Variants in USF2 observed in about 807,000 individuals in gnomAD.
USF2 encodes the protein upstream stimulatory factor 2.
In USF2, 16 loss-of-function variants were observed where a neutral mutation model predicts 46.9. That is an observed-to-expected ratio of 0.34 (90% CI 0.23 to 0.52). The LOEUF (loss-of-function observed/expected upper bound fraction) is 0.52. Ranked by LOEUF, USF2 falls within the 20% of genes least tolerant of loss-of-function variation. The pLI is 0.96. For synonymous variants in USF2, 239 were observed against 194.1 expected, an observed-to-expected ratio of 1.23 and a Z score of -1.92; for missense variants, 411 against 474.0, an observed-to-expected ratio of 0.87 and a Z score of 1.23.
intron 4 of USF2, 38 bp from the exon 5 acceptor site, chr19:35,270,409 A>G: frequency 2.5e-6 from 4 of 1,592,286 alleles, no homozygotes; most frequent in African/African-American, 2.7e-5. Context: ...GGAGGAACAG[A>G]GAAAGCTAAG....
intron 7 of USF2, among the ~76,000 whole-genome samples, chr19:35,273,955 T>C (rs1452744359): frequency 1.3e-5 from 2 of 152,226 alleles, no homozygotes; most frequent in East Asian, 3.8e-4. Flanking sequence ...TTCCCCCTTG[T>C]AGGTGTTCCT....
intron 1 of USF2, 138 bp downstream of exon 1, chr19:35,269,301 G>A: frequency 1.7e-5 from 15 of 876,654 alleles, no homozygotes; most frequent in Non-Finnish European, 1.9e-5. Context: ...GGGGGACCTG[G>A]CGCCTCCCGC....
At chr19:35,274,503 G>A (rs2145578111) in intron 7 of USF2, among the ~76,000 whole-genome samples, 1 of 152,258 alleles carries the variant, frequency 6.6e-6, no homozygotes, top group East Asian at 1.9e-4. Context: ...CTCAGGAAGG[G>A]GTGTGTGGCT....
At chr19:35,271,443 C>G (rs1471078341) in intron 7 of USF2, among the ~76,000 whole-genome samples, 1 of 152,204 alleles carries the variant, frequency 6.6e-6, no homozygotes, top group Non-Finnish European at 1.5e-5. Flanking sequence ...GCCTGCCCCA[C>G]TTGAAAAATG....
At chr19:35,278,910 G>A in intron 8 of USF2, 36 bp from the exon 9 acceptor site, 1 of 1,574,260 alleles carries the variant, frequency 6.4e-7, no homozygotes, top group Non-Finnish European at 8.6e-7. Context: ...GGTGGGCGGT[G>A]CCTGCCCTAA....
At position 35,269,829 on chromosome 19, in the gene USF2, T is replaced by C; in HGVS notation, c.255T>C (p.Thr85=). The C allele has an allele frequency of 2.1e-6, 3 of 1,460,496 alleles. No homozygotes were observed. Among genetic ancestry groups the C allele is most frequent in the Non-Finnish European group, 2.7e-6 (3 of 1,114,128 alleles). 90.5% of individuals were successfully genotyped at this position (1,460,496 alleles called of 1,614,324 possible). Residue 85 remains threonine, a synonymous_variant, in exon 4 of 10, where the codon ACT becomes ACC. Coordinates refer to ENST00000222305, the MANE Select transcript of USF2 (RefSeq NM_003367.4). ...GQVTYRVVQV[T]DGQLDGQGDT... ...TGACATACCGCGTAGTCCAGGTGACTGATGGTCAGCTGGACGGCCAGGGCG... is the reference window on the plus strand; with the variant it reads ...TGACATACCGCGTAGTCCAGGTGACCGATGGTCAGCTGGACGGCCAGGGCG...
chr19:35,270,438 A>C lies in USF2; in HGVS notation c.430-9A>C. 6.2e-7 allele frequency: 1 copy of C among 1,610,236 alleles called. No individual in the cohort carries two copies. On this transcript the variant is annotated splice_polypyrimidine_tract_variant and intron_variant, in intron 4 of 9. Coordinates refer to ENST00000222305, the MANE Select transcript of USF2 (RefSeq NM_003367.4). ...AGCTAAGGGTAGCCTCTGCCCTCCTACTCCCCAGGCTGTGATCCAAAATCC... is the reference window on the plus strand; with the variant it reads ...AGCTAAGGGTAGCCTCTGCCCTCCTCCTCCCCAGGCTGTGATCCAAAATCC...
chr19:35,278,925 C>T (rs767918563), intron 8 of USF2, 21 bp from the exon 9 acceptor site: 257 of 1,561,092 alleles, frequency 1.6e-4, no homozygotes, highest in Non-Finnish European at 2.2e-4. Flanking sequence ...CCCTAAGGCT[C>T]CTGGTCCCCT....
chr19:35,269,215 C>T, intron 1 of USF2, 52 bp downstream of exon 1: 1 of 975,504 alleles, frequency 1.0e-6, no homozygotes, highest in Non-Finnish European at 1.2e-6. Context: ...GGCCCCGGCC[C>T]CGCGGCCTGC....
chr19:35,270,625 T>TG lies in USF2; in HGVS notation c.580+33dup, dbSNP rs2066138717. 3 of 1,606,468 alleles carry TG rather than the reference T, an allele frequency of 1.9e-6. No individual in the cohort carries two copies. In the Admixed American group the frequency reaches 5.1e-5, roughly 27 times the overall value. On this transcript the variant is annotated intron_variant, in intron 5 of 9. Transcript: ENST00000222305. ...GAGGAGTAGAAGTCAGATTGGCAGG[T>TG]GGGGGAGGCAACGGGCCCAGCAGGG... is the stretch of plus-strand genomic sequence containing the variant.
In USF2 at chr19:35,271,187, C is replaced by T. The variant is rs200156649; in HGVS notation, c.727+46C>T. The T allele has an allele frequency of 1.5e-5, 24 of 1,610,302 alleles. No individual in the cohort carries two copies. In the African/African-American group the frequency reaches 2.3e-4, roughly 15 times the overall value. ...CGGGTCCCCCTGACCACCACCCTCACAGGCTCAGCCAGCCCTGGAGTGTGG... is the reference window on the plus strand; with the variant it reads ...CGGGTCCCCCTGACCACCACCCTCATAGGCTCAGCCAGCCCTGGAGTGTGG... On this transcript the variant is annotated intron_variant, in intron 7 of 9. Transcript: ENST00000222305.
At position 35,279,182 on chromosome 19, in the gene USF2, A is replaced by G. The variant is rs1378372973; in HGVS notation, c.967A>G (p.Asn323Asp). Residue 323 changes from asparagine (N) to aspartate (D), a missense_variant, in exon 10 of 10, where the codon AAT (asparagine) becomes GAT (aspartate). Coordinates refer to ENST00000222305, the MANE Select transcript of USF2 (RefSeq NM_003367.4). ...LLRQQIEELK[N>D]ENALLRAQLQ... ...TGTCCGCCAGATCGAGGAGCTGAAG[A>G]ATGAGAACGCCCTGCTTCGAGCCCA... 2 of 1,607,594 alleles carry G rather than the reference A, an allele frequency of 1.2e-6. No individual in the cohort carries two copies. The highest frequency in any genetic ancestry group is 1.1e-5 in the South Asian group (1 of 90,208).
chr19:35,273,483 G>A (rs1022292454), intron 7 of USF2, among the ~76,000 whole-genome samples: 17 of 152,194 alleles, frequency 1.1e-4, no homozygotes, highest in African/African-American at 4.1e-4. Context: ...GGGGGTGCCG[G>A]GGAATCTGTG....
chr19:35,270,358 G>C, intron 4 of USF2, 89 bp from the exon 5 acceptor site: 1 of 1,530,794 alleles, frequency 6.5e-7, no homozygotes, highest in Non-Finnish European at 8.8e-7. Flanking sequence ...TAATTGCAGA[G>C]AATGCAGTAA....
chr19:35,271,018 A>C (rs2066146726), intron 6 of USF2, 65 bp from the exon 7 acceptor site: 1 of 1,589,444 alleles, frequency 6.3e-7, no homozygotes, highest in African/African-American at 1.3e-5. Flanking sequence ...TCTAATACTT[A>C]GCAGATGCTT....
In USF2 at chr19:35,269,954, G is replaced by A; in HGVS notation, c.380G>A (p.Gly127Asp). The change falls in exon 4 of 10, where the codon GGC becomes GAC. Residue 127 changes from glycine to aspartate, a missense_variant. This residue lies in a region of USF2 where 318 missense variants were observed against 322.4 expected (regional missense o/e 0.99). Coordinates refer to ENST00000222305, the MANE Select transcript of USF2 (RefSeq NM_003367.4). ...GTGGACGGGGCAGCCCAGCGCCCGG[G>A]CCCCGCCGCTGCCTCTGTGCCCCCA... Reference protein sequence around the residue: ...VGVDGAAQRPGPAAASVPPGP... With the variant: ...VGVDGAAQRPDPAAASVPPGP... 7.5e-7 allele frequency: 1 copy of A among 1,341,666 alleles called. No individual in the cohort carries two copies. Among genetic ancestry groups the A allele is most frequent in the Non-Finnish European group, 9.5e-7 (1 of 1,053,240 alleles). The allele number at this position is 1,341,666 out of a possible 1,614,324, so 83.1% of individuals were successfully genotyped here.
chr19:35,278,529 G>A (rs1191733168), intron 7 of USF2, 169 bp from the exon 8 acceptor site: 1 of 672,460 alleles, frequency 1.5e-6, no homozygotes, highest in Non-Finnish European at 2.6e-6. Flanking sequence ...GAGAAGCTGG[G>A]GTGGGGGCCG....
intron 6 of USF2, 119 bp from the exon 7 acceptor site, chr19:35,270,962 CTT>C (rs1568457319): frequency 6.8e-7 from 1 of 1,463,484 alleles, no homozygotes; most frequent in Admixed American, 1.9e-5. Flanking sequence ...AGTATCATGT[CTT>C]TTGTTTTTGC....
At chr19:35,276,650 C>T (rs1427965549) in intron 7 of USF2, among the ~76,000 whole-genome samples, 1 of 152,206 alleles carries the variant, frequency 6.6e-6, no homozygotes, top group Middle Eastern at 3.2e-3. Flanking sequence ...TTTCAGGCCA[C>T]CATTTCTGGG....
Sources: gnomAD v4.1 joint callset for allele counts (sites outside exome capture counted in the v4.1 genomes callset) on GRCh38, gnomAD v4.1.1 for gene constraint, gnomAD v4.1.1 regional missense constraint, MANE v1.5 for transcripts, NCBI Gene and HGNC (gene_info 2026-07-23, HGNC 2026-07-21) for gene names.